ATXN1: variants seen among roughly 807,000 people sequenced by gnomAD.
The protein encoded by ATXN1 is ataxin-1.
A neutral mutation model predicts 56.4 loss-of-function variants in ATXN1; 8 were observed. The ratio of observed to expected loss-of-function variants is 0.14; its 90% confidence interval spans 0.08 to 0.26. The LOEUF (loss-of-function observed/expected upper bound fraction) is 0.26. Among genes scored for constraint, ATXN1 ranks in the 10% least tolerant of loss-of-function variants. The probability of loss-of-function intolerance (pLI) is 1.00; values close to 1 mark genes in which losing one functional copy is unlikely to be tolerated. For missense variants in ATXN1, 987 were observed against 1,106.5 expected (o/e 0.89, Z 1.53); for synonymous variants, 514 against 494.6 (o/e 1.04, Z -0.52).
At chr6:16,467,325 C>T (rs995714784) in intron 6 of ATXN1, among the ~76,000 whole-genome samples, 1 of 152,220 alleles carries the variant, frequency 6.6e-6, no homozygotes, top group Admixed American at 6.5e-5. Context: ...GAGGATGCAG[C>T]GATGTGGCCG....
intron 4 of ATXN1, among the ~76,000 whole-genome samples, chr6:16,529,595 C>A (rs1380820432): frequency 6.6e-6 from 1 of 152,106 alleles, no homozygotes; most frequent in African/African-American, 2.4e-5. Context: ...AGAGCACTGG[C>A]CTTGCTGGGG....
At chr6:16,423,201 G>C (rs1759071680) in intron 6 of ATXN1, among the ~76,000 whole-genome samples, 1 of 152,120 alleles carries the variant, frequency 6.6e-6, no homozygotes, top group Non-Finnish European at 1.5e-5. Flanking sequence ...ATTCTTCTTT[G>C]TCATTTTGCA....
chr6:16,548,619 C>A (rs1388263085), intron 4 of ATXN1, among the ~76,000 whole-genome samples: 1 of 149,642 alleles, frequency 6.7e-6, no homozygotes, highest in African/African-American at 2.5e-5. Flanking sequence ...AAATTTTAAA[C>A]TTTTTTTTTT....
chr6:16,308,185 G>A (rs1156651371), intron 7 of ATXN1, among the ~76,000 whole-genome samples: 2 of 152,094 alleles, frequency 1.3e-5, no homozygotes, highest in East Asian at 3.9e-4. Flanking sequence ...AATTAGCCAG[G>A]TGTGGTGGCA....
chr6:16,706,722 T>G (rs1285654975), intron 2 of ATXN1, among the ~76,000 whole-genome samples: 1 of 29,820 alleles, frequency 3.4e-5, no homozygotes, highest in South Asian at 1.9e-3. Flanking sequence ...AGACTCCATC[T>G]CAAAAAAAAA....
chr6:16,369,678 T>C (rs1724134286), intron 6 of ATXN1, among the ~76,000 whole-genome samples: 1 of 152,236 alleles, frequency 6.6e-6, no homozygotes, highest in Non-Finnish European at 1.5e-5. Context: ...TAAGCATCTC[T>C]GATAATATCC....
chr6:16,640,815 G>A (rs1403007570), intron 3 of ATXN1, among the ~76,000 whole-genome samples: 2 of 152,080 alleles, frequency 1.3e-5, no homozygotes, highest in African/African-American at 4.8e-5. Context: ...AAATGATTAA[G>A]CTTAGCGAGG....
Position 16,431,167 on chromosome 6 carries a change from G to A in ATXN1, c.-161+54805C>T, listed in dbSNP as rs537613333. ...GGGGGTAGGAGCAGGAGCGTAGATA[G>A]GAGTGGTGAGATTAAATCCAAGCAT... On this transcript the variant is annotated intron_variant, in intron 6 of 7. Transcript: ENST00000436367. Among the ~76,000 whole-genome samples, 4 of 152,202 alleles carry A rather than the reference G, an allele frequency of 2.6e-5. No individual in the cohort carries two copies. In the East Asian group the frequency reaches 7.7e-4, roughly 29 times the overall value.
chr6:16,397,840 G>A lies in ATXN1; in HGVS notation c.-160-69370C>T, dbSNP rs117675384. On this transcript the variant is annotated intron_variant, in intron 6 of 7. Coordinates refer to ENST00000436367, the MANE Select transcript of ATXN1 (RefSeq NM_001128164.2). ...GAATACTATCTTCAAGAACAAAAAC[G>A]CCACTGGATATTTGTATCATCCTTC... Among the ~76,000 whole-genome samples the A allele has an allele frequency of 5.7e-4, 87 of 152,224 alleles. 1 individual carries two copies. In the East Asian group the frequency reaches 0.013, roughly 23 times the overall value.
intron 2 of ATXN1, among the ~76,000 whole-genome samples, chr6:16,727,703 T>C (rs1407553633): frequency 2.0e-5 from 3 of 152,236 alleles, no homozygotes; most frequent in Non-Finnish European, 2.9e-5. Flanking sequence ...ACATTATTTA[T>C]ATTATTTGTT....
chr6:16,401,855 G>A (rs970217365), intron 6 of ATXN1, among the ~76,000 whole-genome samples: 1 of 152,112 alleles, frequency 6.6e-6, no homozygotes, highest in African/African-American at 2.4e-5. Context: ...TTATGCTGTT[G>A]ATAAAGACAT....
At chr6:16,498,576 T>C (rs999267716) in intron 5 of ATXN1, among the ~76,000 whole-genome samples, 8 of 152,232 alleles carry the variant, frequency 5.3e-5, no homozygotes, top group African/African-American at 1.2e-4. Context: ...TTGTTTTCTA[T>C]AGTGATTGCA....
chr6:16,735,446 G>A (rs1026442439), intron 2 of ATXN1, among the ~76,000 whole-genome samples: 6 of 152,132 alleles, frequency 3.9e-5, no homozygotes, highest in Non-Finnish European at 8.8e-5. Context: ...TTTTTTAAGA[G>A]CCACTCCGTG....
intron 6 of ATXN1, among the ~76,000 whole-genome samples, chr6:16,377,918 T>A (rs1412213969): frequency 6.6e-6 from 1 of 152,234 alleles, no homozygotes; most frequent in Non-Finnish European, 1.5e-5. Context: ...CAGAGCATCA[T>A]CACACATAAC....
intron 6 of ATXN1, among the ~76,000 whole-genome samples, chr6:16,458,551 G>A (rs975448361): frequency 1.3e-5 from 2 of 152,128 alleles, no homozygotes; most frequent in African/African-American, 4.8e-5. Context: ...CAACCGCGGT[G>A]TTCTCTAATA....
chr6:16,569,231 C>T (rs1433358747), intron 4 of ATXN1, among the ~76,000 whole-genome samples: 1 of 152,094 alleles, frequency 6.6e-6, no homozygotes, highest in East Asian at 1.9e-4. Flanking sequence ...GATGAAGAGT[C>T]CTGGCCTGGC....
At chr6:16,324,749 C>T (rs953145428) in intron 7 of ATXN1, among the ~76,000 whole-genome samples, 3 of 152,170 alleles carry the variant, frequency 2.0e-5, no homozygotes, top group Admixed American at 6.5e-5. Flanking sequence ...ATCTAAGAAC[C>T]TGGAAAAGGG....
At chr6:16,713,492 C>A (rs1759569724) in intron 2 of ATXN1, among the ~76,000 whole-genome samples, 1 of 152,214 alleles carries the variant, frequency 6.6e-6, no homozygotes, top group Admixed American at 6.5e-5. Flanking sequence ...CCAAGAGTTA[C>A]TTCTTGTTTC....
At chr6:16,607,193 G>A (rs1763026504) in intron 3 of ATXN1, among the ~76,000 whole-genome samples, 1 of 152,206 alleles carries the variant, frequency 6.6e-6, no homozygotes, top group Non-Finnish European at 1.5e-5. Flanking sequence ...TGTTATATAA[G>A]CCCAGCTCTG....
Sources: allele counts gnomAD v4.1 joint callset (sites outside exome capture counted in the v4.1 genomes callset), GRCh38; gene constraint gnomAD v4.1.1; transcripts MANE v1.5; gene names NCBI Gene and HGNC (gene_info 2026-07-23, HGNC 2026-07-21).